The following ELK3 variants were observed in gnomAD, a reference collection of about 807,000 sequenced individuals.
ELK3 encodes ETS transcription factor ELK3.
A neutral mutation model predicts 28.9 loss-of-function variants in ELK3; 10 were observed. That is an observed-to-expected ratio of 0.35 (90% confidence interval 0.21 to 0.59). ELK3 has a LOEUF of 0.59. ELK3 is among the 20% of genes least tolerant of loss of function. ELK3 has a pLI of 0.82. For synonymous variants in ELK3, 272 were observed against 243.5 expected (o/e 1.12, Z -1.09); for missense variants, 463 against 517.3 (o/e 0.90, Z 1.02).
At chr12:96,221,149 C>T (rs1951658845) in intron 1 of ELK3, among the ~76,000 whole-genome samples, 1 of 152,208 alleles carries the variant, frequency 6.6e-6, no homozygotes, top group Non-Finnish European at 1.5e-5. Context: ...CAGGGCTACA[C>T]AGTCACCTAA....
chr12:96,248,929 A>G (rs1428841439), intron 3 of ELK3, among the ~76,000 whole-genome samples: 1 of 152,210 alleles, frequency 6.6e-6, no homozygotes, highest in East Asian at 1.9e-4. Context: ...TTTGCATGAT[A>G]CTTGCCAGTT....
chr12:96,252,354 T>C (rs1289916127), intron 3 of ELK3, among the ~76,000 whole-genome samples: 1 of 152,130 alleles, frequency 6.6e-6, no homozygotes, highest in Admixed American at 6.6e-5. Flanking sequence ...AGTCAAGGAG[T>C]AATTTTGACT....
At chr12:96,210,558 G>GGT (rs1273678280) in intron 1 of ELK3, among the ~76,000 whole-genome samples, 1 of 62,124 alleles carries the variant, frequency 1.6e-5, no homozygotes, top group South Asian at 5.7e-4. Flanking sequence ...CCTGCGCGCG[G>GGT]GCGCACGCAC....
Position 96,247,482 on chromosome 12 carries a change from A to G in ELK3, c.750A>G (p.Ser250=), listed in dbSNP as rs776694424. 13 of 1,603,740 alleles carry G rather than the reference A, an allele frequency of 8.1e-6. No homozygotes were observed. In the South Asian group the frequency reaches 1.3e-4, roughly 16 times the overall value. ...SSRSPSLSPN[S]PLPSEHRSLF... ...GGTCCCCGTCCCTGTCCCCCAACTC[A>G]CCCCTCCCTTCTGAACACAGAAGCC... is the stretch of plus-strand genomic sequence containing the variant. The change falls in exon 3 of 5, where the codon TCA becomes TCG. Residue 250 remains serine (S), a synonymous_variant. Coordinates refer to ENST00000228741, the MANE Select transcript of ELK3 (RefSeq NM_005230.4). The surrounding 1 kb of genome is among the most constrained non-coding windows in gnomAD (Gnocchi z 5.5).
chr12:96,257,671 T>G (rs1439499532), intron 3 of ELK3, among the ~76,000 whole-genome samples: 1 of 152,228 alleles, frequency 6.6e-6, no homozygotes, highest in Non-Finnish European at 1.5e-5. Flanking sequence ...AATGTTAATG[T>G]GACATATTGA....
chr12:96,196,933 CGGGGTAT>C (rs1951473985), intron 1 of ELK3, among the ~76,000 whole-genome samples: 1 of 151,892 alleles, frequency 6.6e-6, no homozygotes. Flanking sequence ...ACAGCCCGAC[CGGGGTAT>C]GAGTCAGTGG....
At chr12:96,203,523 C>T (rs1951519788) in intron 1 of ELK3, among the ~76,000 whole-genome samples, 1 of 152,188 alleles carries the variant, frequency 6.6e-6, no homozygotes, top group South Asian at 2.1e-4. Context: ...TTGGGGGGAG[C>T]TTGTCAATAT....
intron 2 of ELK3, among the ~76,000 whole-genome samples, chr12:96,235,295 C>T (rs1951774160): frequency 6.6e-6 from 1 of 151,024 alleles, no homozygotes; most frequent in African/African-American, 2.4e-5. Context: ...ACTCCTCTCT[C>T]TGCCTCCTCC....
intron 1 of ELK3, among the ~76,000 whole-genome samples, chr12:96,202,208 G>C (rs1951511844): frequency 6.6e-6 from 1 of 152,082 alleles, no homozygotes; most frequent in Non-Finnish European, 1.5e-5. Flanking sequence ...AAATCTTCTA[G>C]TGACTTCAGC....
intron 2 of ELK3, among the ~76,000 whole-genome samples, chr12:96,246,157 C>T (rs1057443077): frequency 3.3e-5 from 5 of 152,190 alleles, no homozygotes; most frequent in African/African-American, 4.8e-5. Context: ...TCTTCTGACT[C>T]GCAGAGGTAG....
chr12:96,269,445 T>C lies in ELK3; in HGVS notation c.*2265T>C, dbSNP rs1479989572. The C allele has an allele frequency of 1.3e-5, 2 of 152,216 alleles. No homozygotes were observed. Among genetic ancestry groups the C allele is most frequent in the Admixed American group, 6.5e-5 (1 of 15,284 alleles). The allele number at this position is 152,216 out of a possible 1,614,324, so 9.4% of individuals were successfully genotyped here. A position where few individuals can be genotyped will look rare whatever the true frequency, so the allele number is the denominator to read the frequency against. The stretch of plus-strand genomic sequence containing the variant: ...TGGAAACTGGGATTAATGTATGCTC[T>C]AGATCCATTTATTAGAAATGCAAAA... On this transcript the variant is annotated 3_prime_UTR_variant, in exon 5 of 5. Transcript: ENST00000228741.
chr12:96,203,337 C>T (rs920197556), intron 1 of ELK3, among the ~76,000 whole-genome samples: 1 of 152,178 alleles, frequency 6.6e-6, no homozygotes, highest in South Asian at 2.1e-4. Context: ...CGGTCCCATT[C>T]GATTTGGATA....
chr12:96,259,809 C>T lies in ELK3; in HGVS notation c.1081C>T (p.Pro361Ser). ...HFWSSLSPVA[P>S]LSPARLQGPS... ...CTGGAGCAGCCTTAGTCCAGTTGCT[C>T]CGCTGAGTCCTGCCAGGCTGCAAGG... The change falls in exon 4 of 5, where the codon CCG becomes TCG. Residue 361 changes from proline to serine, a missense_variant. Around this residue, in one of 2 missense-constraint regions of ELK3, gnomAD observed 408 missense variants for 414.8 expected, o/e 0.98. Coordinates refer to ENST00000228741, the MANE Select transcript of ELK3 (RefSeq NM_005230.4). 6.2e-7 allele frequency: 1 copy of T among 1,609,534 alleles called. No individual in the cohort carries two copies. Among genetic ancestry groups the T allele is most frequent in the Non-Finnish European group, 8.5e-7 (1 of 1,178,652 alleles).
intron 4 of ELK3, among the ~76,000 whole-genome samples, chr12:96,265,767 C>T (rs936006211): frequency 1.3e-5 from 2 of 152,124 alleles, no homozygotes; most frequent in African/African-American, 4.8e-5. Flanking sequence ...GTTAGTAGCA[C>T]GGACCTTTTA....
chr12:96,203,393 G>A (rs1297677312), intron 1 of ELK3, among the ~76,000 whole-genome samples: 1 of 152,192 alleles, frequency 6.6e-6, no homozygotes, highest in Non-Finnish European at 1.5e-5. Flanking sequence ...GCATGTCTGC[G>A]GTGCCATCAG....
At chr12:96,245,767 G>A (rs753089364) in intron 2 of ELK3, among the ~76,000 whole-genome samples, 2 of 152,062 alleles carry the variant, frequency 1.3e-5, no homozygotes, top group Admixed American at 6.5e-5. Context: ...CAGTGGGTTC[G>A]GCAGGGAATT....
chr12:96,245,725 C>G (rs569531893), intron 2 of ELK3, among the ~76,000 whole-genome samples: 1 of 152,270 alleles, frequency 6.6e-6, no homozygotes, highest in African/African-American at 2.4e-5. Flanking sequence ...GGGCAAGGCA[C>G]ACGCAAGCAT....
At chr12:96,260,628 A>C (rs1951986420) in intron 4 of ELK3, among the ~76,000 whole-genome samples, 1 of 152,232 alleles carries the variant, frequency 6.6e-6, no homozygotes, top group Non-Finnish European at 1.5e-5. Flanking sequence ...TGGAGAAATC[A>C]GTATTTCCTC....
At chr12:96,246,457 C>A (rs1480345646) in intron 2 of ELK3, among the ~76,000 whole-genome samples, 1 of 152,148 alleles carries the variant, frequency 6.6e-6, no homozygotes, top group South Asian at 2.1e-4. Context: ...GAGTTTGAGA[C>A]CAGCCTGAGC....
Sources: gnomAD v4.1 joint callset for allele counts (sites outside exome capture counted in the v4.1 genomes callset) on GRCh38, gnomAD v4.1.1 for gene constraint, gnomAD v4.1.1 regional missense constraint, Gnocchi (gnomAD v3.1) non-coding constraint, MANE v1.5 for transcripts, NCBI Gene and HGNC (gene_info 2026-07-23, HGNC 2026-07-21) for gene names.